The following TFEC variants were observed in gnomAD, a reference collection of about 807,000 sequenced individuals.
TFEC encodes transcription factor EC, also known as class E basic helix-loop-helix protein 34.
Under a neutral mutation model 41.6 loss-of-function variants are expected in TFEC, and 31 were observed. That is an observed-to-expected ratio of 0.74 (90% CI 0.56 to 1.01). The LOEUF (loss-of-function observed/expected upper bound fraction) is 1.01. TFEC is among the 50% of genes least tolerant of loss of function. The pLI, the probability that TFEC is intolerant of heterozygous loss-of-function variation, is 0.00. For synonymous variants in TFEC, 143 were observed against 140.6 expected, an observed-to-expected ratio of 1.02 and a Z score of -0.12; for missense variants, 402 against 404.1, an observed-to-expected ratio of 0.99 and a Z score of 0.04.
chr7:116,123,953 G>C (rs1202970180), intron 1 of TFEC, among the ~76,000 whole-genome samples: 1 of 152,018 alleles, frequency 6.6e-6, no homozygotes, highest in Non-Finnish European at 1.5e-5. Context: ...ATAAATGACT[G>C]ATATAGAAAT....
intron 1 of TFEC, 24 bp from the exon 2 acceptor site, chr7:115,984,537 T>C (rs773388690): frequency 1.2e-6 from 2 of 1,609,948 alleles, no homozygotes; most frequent in Non-Finnish European, 1.7e-6. Context: ...ATTAAACAAA[T>C]ACAATGTGCA....
At chr7:115,989,336 G>A (rs545378641) in intron 1 of TFEC, among the ~76,000 whole-genome samples, 1 of 152,342 alleles carries the variant, frequency 6.6e-6, no homozygotes, top group African/African-American at 2.4e-5. Flanking sequence ...CGTGAGTGAT[G>A]CAGAAGACAG....
intron 1 of TFEC, among the ~76,000 whole-genome samples, chr7:116,115,555 G>A (rs1030524707): frequency 2.0e-5 from 3 of 151,720 alleles, no homozygotes; most frequent in Non-Finnish European, 2.9e-5. Flanking sequence ...TTACTCTGAC[G>A]TCTGCATCCC....
chr7:115,979,093 A>G (rs1382624924), intron 2 of TFEC, among the ~76,000 whole-genome samples: 2 of 152,096 alleles, frequency 1.3e-5, no homozygotes, highest in Non-Finnish European at 2.9e-5. Flanking sequence ...GGAGAGTCTC[A>G]CTTTCTCACA....
intron 3 of TFEC, among the ~76,000 whole-genome samples, chr7:116,050,610 C>G (rs1796285491): frequency 1.3e-5 from 2 of 152,164 alleles, no homozygotes; most frequent in East Asian, 3.8e-4. Flanking sequence ...CCATCTCACA[C>G]CAGGTAGAAT....
chr7:115,943,206 G>T (rs116562775), intron 6 of TFEC, among the ~76,000 whole-genome samples: 1 of 151,900 alleles, frequency 6.6e-6, no homozygotes, highest in Non-Finnish European at 1.5e-5. Flanking sequence ...ATGGCTGTTG[G>T]TCTCATTCCA....
At chr7:116,111,784 G>A (rs1050589234) in intron 2 of TFEC, among the ~76,000 whole-genome samples, 3 of 152,006 alleles carry the variant, frequency 2.0e-5, no homozygotes, top group Non-Finnish European at 4.4e-5. Context: ...ACACTAATGT[G>A]AAGTAACTGG....
intron 3 of TFEC, among the ~76,000 whole-genome samples, chr7:116,106,081 T>A (rs1159277245): frequency 6.6e-6 from 1 of 151,946 alleles, no homozygotes. Flanking sequence ...CCACATAGAG[T>A]ATCTCTATTC....
Position 115,942,038 on chromosome 7 carries a change from T to A in TFEC, c.518A>T (p.Asp173Val). ...AATGGTTCCTTTGTTCCAGCGCATA[T>A]CACTGTAGAATGGAGAGATAACCTT... ...GTLIPKSNDP[D>V]MRWNKGTILK... The change falls in exon 7 of 8, where the codon GAT becomes GTT. Residue 173 changes from aspartate to valine, a missense_variant and splice_region_variant. Transcript: ENST00000265440. The A allele has an allele frequency of 6.2e-7, 1 of 1,611,828 alleles. No homozygotes were observed. The highest frequency in any genetic ancestry group is 8.5e-7 in the Non-Finnish European group (1 of 1,178,710).
chr7:116,113,268 A>G (rs1000226701), intron 1 of TFEC, among the ~76,000 whole-genome samples: 5 of 151,994 alleles, frequency 3.3e-5, no homozygotes, highest in Non-Finnish European at 7.4e-5. Flanking sequence ...ATGAAGTTAT[A>G]TTAGAGTAGG....
intron 1 of TFEC, among the ~76,000 whole-genome samples, chr7:116,027,847 C>T (rs781444783): frequency 1.3e-5 from 2 of 152,084 alleles, no homozygotes; most frequent in Non-Finnish European, 2.9e-5. Flanking sequence ...ATTAAAACTC[C>T]ACCTCTACGT....
intron 3 of TFEC, among the ~76,000 whole-genome samples, chr7:115,959,440 T>C (rs1024253758): frequency 2.6e-4 from 39 of 151,892 alleles, no homozygotes; most frequent in African/African-American, 8.9e-4. Context: ...TCATAGGGAC[T>C]GAAACAAATA....
At chr7:116,058,432 G>T (rs1430551392) in intron 3 of TFEC, among the ~76,000 whole-genome samples, 1 of 102,876 alleles carries the variant, frequency 9.7e-6, no homozygotes, top group Non-Finnish European at 2.2e-5. Context: ...ATAGAAAATT[G>T]TACCATTAAG....
At chr7:115,968,478 G>C (rs1311470048) in intron 3 of TFEC, among the ~76,000 whole-genome samples, 2 of 151,772 alleles carry the variant, frequency 1.3e-5, no homozygotes, top group African/African-American at 4.8e-5. Flanking sequence ...AACTATAACA[G>C]TTTACTTAGA....
At chr7:116,140,682 T>C (rs1444034468) in intron 1 of TFEC, among the ~76,000 whole-genome samples, 2 of 152,202 alleles carry the variant, frequency 1.3e-5, no homozygotes, top group East Asian at 1.9e-4. Context: ...TACCCAGCCA[T>C]AGAGGCTAAA....
intron 1 of TFEC, among the ~76,000 whole-genome samples, chr7:116,127,066 G>A (rs1554424522): frequency 1.3e-5 from 2 of 151,986 alleles, no homozygotes; most frequent in South Asian, 2.1e-4. Context: ...CCTGAAAACA[G>A]TACATGTCTG....
At position 115,940,560 on chromosome 7, in the gene TFEC, A is replaced by G. The variant is rs767185146; in HGVS notation, c.1035T>C (p.Asp345=). The G allele has an allele frequency of 6.2e-7, 1 of 1,608,884 alleles. No individual in the cohort carries two copies. Among genetic ancestry groups the G allele is most frequent in the South Asian group, 1.1e-5 (1 of 90,590 alleles). The part of the protein sequence containing the change: ...RRSSFSSDDG[D]EL Reference sequence around the variant, plus strand: ...TGGGTCTGTTTATTTCTTATAATTCATCACCATCATCTGAGCTAAAGCTAC... The same window carrying G: ...TGGGTCTGTTTATTTCTTATAATTCGTCACCATCATCTGAGCTAAAGCTAC... Residue 345 remains aspartate, a synonymous_variant, in exon 8 of 8, where the codon GAT becomes GAC. Transcript: ENST00000265440.
intron 6 of TFEC, 53 bp downstream of exon 6, chr7:115,950,821 T>C: frequency 7.2e-7 from 1 of 1,388,880 alleles, no homozygotes; most frequent in Non-Finnish European, 1.0e-6. Context: ...CTCCCATTCA[T>C]TTTGGGGGTC....
chr7:116,132,038 C>T (rs2116317846), intron 1 of TFEC, among the ~76,000 whole-genome samples: 1 of 152,256 alleles, frequency 6.6e-6, no homozygotes, highest in East Asian at 1.9e-4. Context: ...CTGTAAAGCA[C>T]ATTTGATGGC....
Sources: gnomAD v4.1 joint callset for allele counts (sites outside exome capture counted in the v4.1 genomes callset) on GRCh38, gnomAD v4.1.1 for gene constraint, MANE v1.5 for transcripts, NCBI Gene and HGNC (gene_info 2026-07-23, HGNC 2026-07-21) for gene names.